The following SERTAD4 variants were observed in gnomAD, a reference collection of about 807,000 sequenced individuals.
SERTAD4 encodes SERTA domain containing 4.
A neutral mutation model predicts 32.9 loss-of-function variants in SERTAD4; 18 were observed. The ratio of observed to expected loss-of-function variants is 0.55; its 90% CI spans 0.38 to 0.81. The LOEUF (loss-of-function observed/expected upper bound fraction) is 0.81. SERTAD4 is among the 30% of genes least tolerant of loss of function. SERTAD4 has a pLI of 0.00. For missense variants in SERTAD4, 383 were observed against 426.0 expected (o/e 0.90, Z 0.89); for synonymous variants, 150 against 156.4 (o/e 0.96, Z 0.30).
rs1055381039 is a variant in SERTAD4, at chr1:210,242,759, A to G, written c.*422A>G. ...ACCAGCAAAGATACCTGCTTCTTCTATATGATACAATATTTTTTTTAAATA... is the reference window on the plus strand; with the variant it reads ...ACCAGCAAAGATACCTGCTTCTTCTGTATGATACAATATTTTTTTTAAATA... On this transcript the variant is annotated 3_prime_UTR_variant, in exon 4 of 4. Coordinates refer to ENST00000367012, the MANE Select transcript of SERTAD4 (RefSeq NM_019605.5). The surrounding 1 kb of genome is among the most constrained non-coding windows in gnomAD (Gnocchi z 4.0). 12 of 990,700 alleles carry G rather than the reference A, an allele frequency of 1.2e-5. No individual in the cohort carries two copies. The highest frequency in any genetic ancestry group is 5.2e-5 in the African/African-American group (3 of 57,388). 61.4% of individuals were successfully genotyped at this position (990,700 alleles called of 1,614,324 possible). A position where few individuals can be genotyped will look rare whatever the true frequency, so the allele number is the denominator to read the frequency against.
Position 210,238,110 on chromosome 1 carries a change from C to T in SERTAD4, c.150C>T (p.Asp50=). The T allele has an allele frequency of 6.2e-7, 1 of 1,609,690 alleles. No homozygotes were observed. The highest frequency in any genetic ancestry group is 8.5e-7 in the Non-Finnish European group (1 of 1,178,674). ...PGPAQAPLQG[D]RGAGPPLAGS... ...CAGCACAAGCTCCTTTGCAGGGAGA[C>T]CGGGGAGCTGGTCCCCCACTGGCAG... Residue 50 remains aspartate, a synonymous_variant, in exon 2 of 4, where the codon GAC becomes GAT. Coordinates refer to ENST00000367012, the MANE Select transcript of SERTAD4 (RefSeq NM_019605.5).
chr1:210,242,651 C>A lies in SERTAD4; in HGVS notation c.*314C>A. The stretch of plus-strand genomic sequence containing the variant: ...GTGCCCTTGCAATATTTCCATTGCC[C>A]CCCAAGGAGCCTGTCACTAGCTAAG... On this transcript the variant is annotated 3_prime_UTR_variant, in exon 4 of 4. Coordinates refer to ENST00000367012, the MANE Select transcript of SERTAD4 (RefSeq NM_019605.5). This position sits in a 1 kb window ranked among gnomAD's most constrained non-coding sequence, Gnocchi z 4.0. 1 of 1,080,508 alleles carries A rather than the reference C, an allele frequency of 9.3e-7. No individual in the cohort carries two copies. Among genetic ancestry groups the A allele is most frequent in the Non-Finnish European group, 1.1e-6 (1 of 892,740 alleles). The allele number at this position is 1,080,508 out of a possible 1,614,324, so 66.9% of individuals were successfully genotyped here. A position where few individuals can be genotyped will look rare whatever the true frequency, so the allele number is the denominator to read the frequency against.
downstream of SERTAD4, chr1:210,246,501 C>G (rs1412434417): frequency 1.2e-6 from 1 of 858,794 alleles, no homozygotes; most frequent in Admixed American, 6.2e-5. Flanking sequence ...TAAAGTGCAT[C>G]AGCAAGTGAC....
At chr1:210,233,898 CAGCCCCGCCAG>C in intron 1 of SERTAD4, 1 of 451,380 alleles carries the variant, frequency 2.2e-6, no homozygotes, top group Non-Finnish European at 4.5e-6. Flanking sequence ...GGGCCCGGGC[CAGCCCCGCCAG>C]AGCCCTGCCA....
rs1041123332 is a variant in SERTAD4, at chr1:210,242,044, A to T, written c.778A>T (p.Ile260Leu). The change falls in exon 4 of 4, where the codon ATA becomes TTA. Residue 260 changes from isoleucine to leucine, a missense_variant. Physicochemically the swap from Ile to Leu is conservative, Grantham distance 5. Around this residue, in one of 3 missense-constraint regions of SERTAD4, gnomAD observed 180 missense variants for 190.6 expected, o/e 0.94. Coordinates refer to ENST00000367012, the MANE Select transcript of SERTAD4 (RefSeq NM_019605.5). The surrounding 1 kb of genome is among the most constrained non-coding windows in gnomAD (Gnocchi z 4.0). ...ATCTATTTACAAGAGTGATGGCCAGATACCTGCCAATGAAATCTTTGTCAC... is the reference window on the plus strand; with the variant it reads ...ATCTATTTACAAGAGTGATGGCCAGTTACCTGCCAATGAAATCTTTGTCAC... ...SASIYKSDGQ[I>L]PANEIFVTNV... 16 of 1,614,040 alleles carry T rather than the reference A, an allele frequency of 9.9e-6. No individual in the cohort carries two copies. The African/African-American group carries it at 2.1e-4, about 22-fold the overall frequency.
intron 1 of SERTAD4, among the ~76,000 whole-genome samples, chr1:210,233,330 C>A (rs1447240677): frequency 6.6e-6 from 1 of 152,118 alleles, no homozygotes; most frequent in African/African-American, 2.4e-5. Flanking sequence ...CCGCGCGCAC[C>A]GAGACAACTC....
In SERTAD4 at chr1:210,243,208, C is replaced by A; in HGVS notation, c.*871C>A. On this transcript the variant is annotated 3_prime_UTR_variant, in exon 4 of 4. Coordinates refer to ENST00000367012, the MANE Select transcript of SERTAD4 (RefSeq NM_019605.5). ...ACATCTCTATTCTTTATTTTTGATG[C>A]CCAATTGCTTTTGGATTCGCCGTTT... is the stretch of plus-strand genomic sequence containing the variant. 1 of 881,592 alleles carries A rather than the reference C, an allele frequency of 1.1e-6. No individual in the cohort carries two copies. The highest frequency in any genetic ancestry group is 1.4e-6 in the Non-Finnish European group (1 of 736,838). The allele number at this position is 881,592 out of a possible 1,614,324, so 54.6% of individuals were successfully genotyped here. A position where few individuals can be genotyped will look rare whatever the true frequency, so the allele number is the denominator to read the frequency against.
chr1:210,241,491 C>G (rs2083993375), intron 3 of SERTAD4, 67 bp from the exon 4 acceptor site: 3 of 1,445,826 alleles, frequency 2.1e-6, no homozygotes, highest in South Asian at 2.8e-5. Flanking sequence ...TCATATAGTC[C>G]ATTTTCTAAG....
In SERTAD4 at chr1:210,238,101, G is replaced by A; in HGVS notation, c.141G>A (p.Leu47=). 1 of 1,612,106 alleles carries A rather than the reference G, an allele frequency of 6.2e-7. No homozygotes were observed. Residue 47 remains leucine, a synonymous_variant, in exon 2 of 4, where the codon TTG becomes TTA. Transcript: ENST00000367012. ...CCCCAGGGCCAGCACAAGCTCCTTTGCAGGGAGACCGGGGAGCTGGTCCCC... is the reference window on the plus strand; with the variant it reads ...CCCCAGGGCCAGCACAAGCTCCTTTACAGGGAGACCGGGGAGCTGGTCCCC... ...PSPPGPAQAP[L]QGDRGAGPPL...
chr1:210,238,919 G>C (rs79626200), intron 2 of SERTAD4, among the ~76,000 whole-genome samples: 1 of 152,026 alleles, frequency 6.6e-6, no homozygotes, highest in South Asian at 2.1e-4. Context: ...TTCATGGTTG[G>C]CATACTACAT....
intron 1 of SERTAD4, among the ~76,000 whole-genome samples, chr1:210,236,844 C>G (rs1171701578): frequency 2.0e-5 from 3 of 152,190 alleles, no homozygotes; most frequent in African/African-American, 7.2e-5. Flanking sequence ...CACCACTGGT[C>G]TATGGCTGCT....
intron 3 of SERTAD4, among the ~76,000 whole-genome samples, chr1:210,240,875 A>G (rs1024574233): frequency 9.2e-5 from 14 of 152,374 alleles, no homozygotes; most frequent in African/African-American, 3.4e-4. Flanking sequence ...AAAGAGGGAC[A>G]GCATTAAAAG....
At chr1:210,246,489 C>T, downstream of SERTAD4, 1 of 754,400 alleles carries the variant, frequency 1.3e-6, no homozygotes, top group Non-Finnish European at 1.6e-6. Flanking sequence ...CGCATCCTGC[C>T]ATAAAGTGCA....
At position 210,245,747 on chromosome 1, in the gene SERTAD4, A is replaced by T; in HGVS notation, c.*3410A>T. On this transcript the variant is annotated 3_prime_UTR_variant, in exon 4 of 4. Transcript: ENST00000367012. ...TCAAGACATGGCTACCCACCCCTCC[A>T]GTTATGAACTTGTATTACAGCTCCA... 2.1e-6 allele frequency: 2 copies of T among 944,382 alleles called. No homozygotes were observed. Among genetic ancestry groups the T allele is most frequent in the Non-Finnish European group, 1.3e-6 (1 of 792,572 alleles). The allele number at this position is 944,382 out of a possible 1,614,324, so 58.5% of individuals were successfully genotyped here.
rs780792258 is a variant in SERTAD4 at position 210,245,671 on chromosome 1, G to A, written c.*3334G>A. The A allele has an allele frequency of 4.9e-5, 15 of 307,238 alleles. No homozygotes were observed. The highest frequency in any genetic ancestry group is 6.7e-5 in the Non-Finnish European group (14 of 210,162). The allele number at this position is 307,238 out of a possible 1,614,324, so 19.0% of individuals were successfully genotyped here. A position where few individuals can be genotyped will look rare whatever the true frequency, so the allele number is the denominator to read the frequency against. On this transcript the variant is annotated 3_prime_UTR_variant, in exon 4 of 4. Transcript: ENST00000367012. ...ATTTTACATGCTTCTTTGTTAAATG[G>A]TGAAGCAAGGGAATGAAAGTATTTA...
rs1408357035 is a variant in SERTAD4 at position 210,244,424 on chromosome 1, A to G, written c.*2087A>G. ...TATAACACGAAGCCATAAATACTGA[A>G]TCTTAGCTGATTGCATTATGAACTG... is the stretch of plus-strand genomic sequence containing the variant. On this transcript the variant is annotated 3_prime_UTR_variant, in exon 4 of 4. Transcript: ENST00000367012. 1.3e-5 allele frequency: 2 copies of G among 152,236 alleles called. No homozygotes were observed. Among genetic ancestry groups the G allele is most frequent in the African/African-American group, 4.8e-5 (2 of 41,442 alleles). 9.4% of individuals were successfully genotyped at this position (152,236 alleles called of 1,614,324 possible). A position where few individuals can be genotyped will look rare whatever the true frequency, so the allele number is the denominator to read the frequency against.
In SERTAD4 at chr1:210,237,843, G is replaced by C. The variant is rs977309170; in HGVS notation, c.-17-101G>C. On this transcript the variant is annotated intron_variant, in intron 1 of 3. Coordinates refer to ENST00000367012, the MANE Select transcript of SERTAD4 (RefSeq NM_019605.5). The stretch of plus-strand genomic sequence containing the variant: ...TAAAGGGGAGGGCCGAGAAGTAAAA[G>C]TTTCCCAAAGCAAAGAAATGAAGAT... 4 of 891,290 alleles carry C rather than the reference G, an allele frequency of 4.5e-6. No homozygotes were observed. The Admixed American group carries it at 1.1e-4, about 24-fold the overall frequency. The allele number at this position is 891,290 out of a possible 1,614,324, so 55.2% of individuals were successfully genotyped here. A position where few individuals can be genotyped will look rare whatever the true frequency, so the allele number is the denominator to read the frequency against.
chr1:210,237,843 G>A, intron 1 of SERTAD4, 101 bp from the exon 2 acceptor site: 2 of 891,290 alleles, frequency 2.2e-6, no homozygotes, highest in Non-Finnish European at 3.5e-6. Context: ...AGAAGTAAAA[G>A]TTTCCCAAAG....
chr1:210,233,774 G>T (rs2083910541), intron 1 of SERTAD4: 1 of 470,914 alleles, frequency 2.1e-6, no homozygotes, highest in Non-Finnish European at 4.4e-6. Context: ...AGGCGTCCTC[G>T]CCGCCAGGTC....
Sources: allele counts gnomAD v4.1 joint callset (sites outside exome capture counted in the v4.1 genomes callset), GRCh38; gene constraint gnomAD v4.1.1; regional missense constraint gnomAD v4.1.1; non-coding constraint Gnocchi (gnomAD v3.1); transcripts MANE v1.5; gene names NCBI Gene and HGNC (gene_info 2026-07-23, HGNC 2026-07-21).